Variants in XXYLT1 observed in about 807,000 individuals in gnomAD.
The protein encoded by XXYLT1 is UDP-xylose:alpha-xyloside alpha-1,3-xylosyltransferase.
XXYLT1 carries 20 observed loss-of-function variants against 28.9 expected under a neutral mutation model. The observed-to-expected ratio is 0.69, with a 90% confidence interval of 0.49 to 1.00. The LOEUF is 1.00. XXYLT1 is among the 50% of genes least tolerant of loss of function. XXYLT1 has a pLI of 0.00. For synonymous variants in XXYLT1, 257 were observed against 253.8 expected (o/e 1.01, Z -0.12); for missense variants, 542 against 560.1 (o/e 0.97, Z 0.33).
intron 3 of XXYLT1, among the ~76,000 whole-genome samples, chr3:195,113,452 C>T (rs188739304): frequency 1.1e-3 from 175 of 152,208 alleles, no homozygotes; most frequent in African/African-American, 4.1e-3. Context: ...TTAGGTAGTA[C>T]GCTTATCCTT....
Position 195,244,278 on chromosome 3 carries a change from G to A in XXYLT1, c.505-17422C>T, listed in dbSNP as rs114627677. ...ATGAAACGTCACATGTCAACAGGAC[G>A]GCGTGTCTCCAGCAAGCCTGCAAGC... On this transcript the variant is annotated intron_variant, in intron 1 of 3. Transcript: ENST00000310380. Among the ~76,000 whole-genome samples the A allele has an allele frequency of 6.9e-3, 1,058 of 152,302 alleles. 13 individuals are homozygous for A. Among genetic ancestry groups the A allele is most frequent in the African/African-American group, 0.025 (1,023 of 41,562 alleles).
rs1488367169 is a variant in XXYLT1, at chr3:195,069,981, A to G, written c.916T>C (p.Tyr306His). 1 of 1,609,990 alleles carries G rather than the reference A, an allele frequency of 6.2e-7. No individual in the cohort carries two copies. Among genetic ancestry groups the G allele is most frequent in the African/African-American group, 1.3e-5 (1 of 74,930 alleles). ...TGCGCCGGCTCCAGCAGGCGGCTGT[A>G]GAGCGGGGACTGGCGCATGGCCTCC... ...NLEAMRQSPL[Y>H]SRLLEPAQVQ... The change falls in exon 4 of 4, where the codon TAC (tyrosine) becomes CAC (histidine). Residue 306 changes from tyrosine to histidine, a missense_variant. Tyr to His is a moderately conservative substitution (Grantham distance 83). Coordinates refer to ENST00000310380, the MANE Select transcript of XXYLT1 (RefSeq NM_152531.5).
chr3:195,212,176 T>A (rs1213039321), intron 2 of XXYLT1, among the ~76,000 whole-genome samples: 1 of 151,822 alleles, frequency 6.6e-6, no homozygotes, highest in African/African-American at 2.4e-5. Flanking sequence ...AGCCATGGAA[T>A]GCCACCGGGA....
chr3:195,070,132 G>C (rs1398300938), intron 3 of XXYLT1, 21 bp from the exon 4 acceptor site: 1 of 1,526,202 alleles, frequency 6.6e-7, no homozygotes, highest in East Asian at 2.3e-5. Context: ...AGAGGACAGA[G>C]TTAGTCCGGT....
chr3:195,081,530 A>T (rs1311880573), intron 3 of XXYLT1, among the ~76,000 whole-genome samples: 1 of 80,512 alleles, frequency 1.2e-5, no homozygotes, highest in African/African-American at 1.1e-4. Context: ...TTGAAAAAAA[A>T]TGTACAGTGC....
At chr3:195,175,895 GAA>G in intron 2 of XXYLT1, 8 of 1,141,804 alleles carry the variant, frequency 7.0e-6, no homozygotes, top group Non-Finnish European at 5.7e-6. Context: ...GTGTGGGAAA[GAA>G]AAAAAAAAAT....
chr3:195,105,048 G>A (rs530644035), intron 3 of XXYLT1, among the ~76,000 whole-genome samples: 10 of 152,302 alleles, frequency 6.6e-5, no homozygotes, highest in South Asian at 2.1e-4. Flanking sequence ...GTGTGGCTGC[G>A]CCGCATTTGG....
intron 3 of XXYLT1, among the ~76,000 whole-genome samples, chr3:195,143,014 T>C (rs1044677492): frequency 1.3e-5 from 2 of 151,544 alleles, no homozygotes; most frequent in African/African-American, 4.9e-5. Context: ...CCTCTAAAAA[T>C]GGTGAGTCTG....
intron 2 of XXYLT1, among the ~76,000 whole-genome samples, chr3:195,203,104 T>C (rs961730180): frequency 6.6e-6 from 1 of 152,040 alleles, no homozygotes; most frequent in African/African-American, 2.4e-5. Context: ...CCACCACACC[T>C]GCCCACAACA....
chr3:195,161,382 C>T (rs1261294422), intron 2 of XXYLT1, among the ~76,000 whole-genome samples: 1 of 152,132 alleles, frequency 6.6e-6, no homozygotes, highest in Non-Finnish European at 1.5e-5. Context: ...TCTTATGAGC[C>T]AGAAATGCTT....
Position 195,270,960 on chromosome 3 carries a change from C to A in XXYLT1, c.99G>T (p.Leu33=). 6.7e-7 allele frequency: 1 copy of A among 1,488,538 alleles called. No homozygotes were observed. The highest frequency in any genetic ancestry group is 8.9e-7 in the Non-Finnish European group (1 of 1,122,114). 92.2% of individuals were successfully genotyped at this position (1,488,538 alleles called of 1,614,324 possible). ...CGAGGTAGTAGAAGGCGCAGACGGC[C>A]AGCGCCGCGGCCAGCAGCAGGGCGC... is the stretch of plus-strand genomic sequence containing the variant. ...HYCALLLAAA[L]AVCAFYYLGS... is the part of the protein sequence containing the mutation. Residue 33 remains leucine (L), a synonymous_variant, in exon 1 of 4, where the codon CTG becomes CTT. Transcript: ENST00000310380.
intron 1 of XXYLT1, among the ~76,000 whole-genome samples, chr3:195,232,638 C>A (rs1219226712): frequency 3.3e-5 from 5 of 152,082 alleles, no homozygotes; most frequent in Non-Finnish European, 7.4e-5. Flanking sequence ...CTTCATTGAC[C>A]AACTGGTCAT....
intron 3 of XXYLT1, among the ~76,000 whole-genome samples, chr3:195,112,075 T>C (rs1160684246): frequency 6.6e-6 from 1 of 152,204 alleles, no homozygotes; most frequent in Non-Finnish European, 1.5e-5. Context: ...ATCAGTACAT[T>C]GGTATATACC....
intron 3 of XXYLT1, among the ~76,000 whole-genome samples, chr3:195,136,057 A>C (rs1719180004): frequency 6.6e-6 from 1 of 152,200 alleles, no homozygotes; most frequent in African/African-American, 2.4e-5. Flanking sequence ...ACAGTCTGAG[A>C]GCAGCCATGC....
intron 3 of XXYLT1, chr3:195,095,397 C>T (rs1716377799): frequency 6.5e-6 from 1 of 153,956 alleles, no homozygotes; most frequent in South Asian, 2.1e-4. Flanking sequence ...GTGGGTTCTC[C>T]TTCCTTGCCT....
At chr3:195,151,291 C>T (rs868052360) in intron 3 of XXYLT1, among the ~76,000 whole-genome samples, 8 of 152,166 alleles carry the variant, frequency 5.3e-5, no homozygotes, top group African/African-American at 1.7e-4. Flanking sequence ...TACCTGTCAT[C>T]CCAGTACTTT....
intron 3 of XXYLT1, among the ~76,000 whole-genome samples, chr3:195,086,962 C>T (rs1224246070): frequency 1.3e-5 from 2 of 152,106 alleles, no homozygotes; most frequent in East Asian, 3.9e-4. Context: ...CCGATACCTC[C>T]CACCTGTACC....
chr3:195,241,972 C>T (rs1164238040), intron 1 of XXYLT1, among the ~76,000 whole-genome samples: 1 of 152,224 alleles, frequency 6.6e-6, no homozygotes, highest in Admixed American at 6.5e-5. Flanking sequence ...CATCTCTCCC[C>T]AGCTCCCAGC....
intron 2 of XXYLT1, among the ~76,000 whole-genome samples, chr3:195,208,335 G>C (rs955392667): frequency 6.6e-6 from 1 of 152,138 alleles, no homozygotes; most frequent in Non-Finnish European, 1.5e-5. Flanking sequence ...GCACAGCACA[G>C]CATCCAGTCT....
Sources: allele counts gnomAD v4.1 joint callset (sites outside exome capture counted in the v4.1 genomes callset), GRCh38; gene constraint gnomAD v4.1.1; transcripts MANE v1.5; gene names NCBI Gene and HGNC (gene_info 2026-07-23, HGNC 2026-07-21).